VAV2: variants seen among roughly 807,000 people sequenced by gnomAD.
VAV2 encodes guanine nucleotide exchange factor VAV2.
In VAV2, 67 loss-of-function variants were observed where a neutral mutation model predicts 132.5. That is an observed-to-expected ratio of 0.51 (90% CI 0.42 to 0.62). VAV2 has a LOEUF of 0.62. Ranked by LOEUF, VAV2 falls within the 20% of genes least tolerant of loss-of-function variation. The pLI is 0.00. For missense variants in VAV2, 938 were observed against 1,153.6 expected, an observed-to-expected ratio of 0.81 and a Z score of 2.71; for synonymous variants, 492 against 443.5, an observed-to-expected ratio of 1.11 and a Z score of -1.37.
rs77264453 is a variant in VAV2 at position 133,929,092 on chromosome 9, G to A, written c.321+10011C>T. On this transcript the variant is annotated intron_variant, in intron 2 of 29. Coordinates refer to ENST00000371850, the MANE Select transcript of VAV2 (RefSeq NM_001134398.2). The stretch of plus-strand genomic sequence containing the variant: ...AAATCTTTAGACCCATTTTACAGAT[G>A]GGGAAATGACAGCTGCGAGACCTGA... Among the ~76,000 whole-genome samples the A allele has an allele frequency of 2.1e-3, 325 of 152,320 alleles. 1 individual carries two copies. The highest frequency in any genetic ancestry group is 7.5e-3 in the African/African-American group (313 of 41,570).
intron 1 of VAV2, among the ~76,000 whole-genome samples, chr9:133,959,203 G>T (rs1199491057): frequency 6.6e-6 from 1 of 152,204 alleles, no homozygotes; most frequent in African/African-American, 2.4e-5. Context: ...ACCCCAGGCT[G>T]CAGGAGAGAT....
rs766541095 is a variant in VAV2 at position 133,812,162 on chromosome 9, C to T, written c.504G>A (p.Gly168=). 6.2e-6 allele frequency: 10 copies of T among 1,613,904 alleles called. No individual in the cohort carries two copies. Among genetic ancestry groups the T allele is most frequent in the Non-Finnish European group, 6.8e-6 (8 of 1,180,008 alleles). Residue 168 remains glycine (G), a synonymous_variant, in exon 5 of 30, where the codon GGG becomes GGA. Coordinates refer to ENST00000371850, the MANE Select transcript of VAV2 (RefSeq NM_001134398.2). ...TGATGATGTCCTCGTAGATGTCGTC[C>T]CCTCCATCCTCACACGGGACGCAGT... The part of the protein sequence containing the change: ...IYDCVPCEDG[G]DDIYEDIIKV...
chr9:133,823,468 C>T lies in VAV2; in HGVS notation c.449+10804G>A, dbSNP rs1010727125. On this transcript the variant is annotated intron_variant, in intron 4 of 29. Transcript: ENST00000371850. The surrounding 1 kb of genome is among the most constrained non-coding windows in gnomAD (Gnocchi z 5.5). ...TTCTACAATAAAACCCAGCATGTGA[C>T]GCTTGTTCATTTTAGAGCAATATTT... 1.5e-4 allele frequency among the ~76,000 whole-genome samples: 23 copies of T among 152,196 alleles called. No individual in the cohort carries two copies. The highest frequency in any genetic ancestry group is 3.9e-4 in the African/African-American group (16 of 41,430).
intron 8 of VAV2, among the ~76,000 whole-genome samples, chr9:133,806,838 C>T (rs1460201716): frequency 1.3e-5 from 2 of 152,256 alleles, no homozygotes; most frequent in East Asian, 1.9e-4. Context: ...CTGGTGCCAG[C>T]GCCCTGCTCT....
At chr9:133,849,941 C>G (rs969830982) in intron 3 of VAV2, among the ~76,000 whole-genome samples, 3 of 152,218 alleles carry the variant, frequency 2.0e-5, no homozygotes, top group African/African-American at 7.2e-5. Flanking sequence ...CAGTCCCATT[C>G]ACAAGTTCGG....
intron 2 of VAV2, among the ~76,000 whole-genome samples, chr9:133,900,046 A>C (rs1372484512): frequency 6.7e-6 from 1 of 149,426 alleles, no homozygotes; most frequent in Non-Finnish European, 1.5e-5. Flanking sequence ...ATAAATAAAT[A>C]AAAATAGCTG....
intron 19 of VAV2, among the ~76,000 whole-genome samples, chr9:133,781,701 G>A (rs939442702): frequency 3.9e-5 from 6 of 152,232 alleles, no homozygotes; most frequent in Non-Finnish European, 5.9e-5. Context: ...TAGAAGCCTG[G>A]ATCAGAGGGA....
At chr9:133,971,072 G>A (rs114345354) in intron 1 of VAV2, among the ~76,000 whole-genome samples, 1 of 152,356 alleles carries the variant, frequency 6.6e-6, no homozygotes, top group African/African-American at 2.4e-5. Context: ...GGTGCCTCCT[G>A]CGGGGAGTGG....
At chr9:133,927,517 G>A (rs1840522811) in intron 2 of VAV2, among the ~76,000 whole-genome samples, 1 of 152,132 alleles carries the variant, frequency 6.6e-6, no homozygotes, top group South Asian at 2.1e-4. Flanking sequence ...CATGTGCTAG[G>A]TGGCCCGTGG....
intron 1 of VAV2, among the ~76,000 whole-genome samples, chr9:133,964,904 A>G (rs973094805): frequency 1.3e-5 from 2 of 152,196 alleles, no homozygotes. Flanking sequence ...TTCTCTAAGA[A>G]CTGGAACAAA....
Position 133,935,442 on chromosome 9 carries a change from C to T in VAV2, c.321+3661G>A, listed in dbSNP as rs1277732636. Among the ~76,000 whole-genome samples, 7 of 152,198 alleles carry T rather than the reference C, an allele frequency of 4.6e-5. No homozygotes were observed. Among genetic ancestry groups the T allele is most frequent in the Non-Finnish European group, 7.3e-5 (5 of 68,034 alleles). On this transcript the variant is annotated intron_variant, in intron 2 of 29. Coordinates refer to ENST00000371850, the MANE Select transcript of VAV2 (RefSeq NM_001134398.2). The surrounding 1 kb of genome is among the most constrained non-coding windows in gnomAD (Gnocchi z 5.2). The stretch of plus-strand genomic sequence containing the variant: ...CCGGGAGGCCAGAGACCAGCAGCCT[C>T]GGCAAGTCCCCTCCCTGCTCTGACC...
chr9:133,782,444 AG>A (rs1222921016), intron 19 of VAV2, among the ~76,000 whole-genome samples: 1 of 152,102 alleles, frequency 6.6e-6, no homozygotes, highest in Non-Finnish European at 1.5e-5. Context: ...GTGCACAGCT[AG>A]GGGGCTGCAT....
Position 133,919,417 on chromosome 9 carries a change from G to A in VAV2, c.321+19686C>T, listed in dbSNP as rs957763200. 2.0e-5 allele frequency among the ~76,000 whole-genome samples: 3 copies of A among 152,210 alleles called. No homozygotes were observed. Among genetic ancestry groups the A allele is most frequent in the Admixed American group, 6.5e-5 (1 of 15,284 alleles). On this transcript the variant is annotated intron_variant, in intron 2 of 29. Transcript: ENST00000371850. The surrounding 1 kb of genome is among the most constrained non-coding windows in gnomAD (Gnocchi z 5.8). Reference sequence around the variant, plus strand: ...CAGACCATAATCTCTGCTTCACTGGGTGGGGCCTCCTCACTGGACAGCCCT... The same window carrying A: ...CAGACCATAATCTCTGCTTCACTGGATGGGGCCTCCTCACTGGACAGCCCT...
chr9:133,979,270 G>A (rs1032754623), intron 1 of VAV2, among the ~76,000 whole-genome samples: 11 of 152,192 alleles, frequency 7.2e-5, no homozygotes, highest in Admixed American at 5.9e-4. Context: ...TACCCCCTTT[G>A]ACAGCGGAGA....
At chr9:133,942,158 A>G (rs1218775934) in intron 1 of VAV2, among the ~76,000 whole-genome samples, 1 of 152,236 alleles carries the variant, frequency 6.6e-6, no homozygotes, top group African/African-American at 2.4e-5. Flanking sequence ...TTTTACCACA[A>G]TACAAAGATT....
At chr9:133,927,369 C>T (rs2486356) in intron 2 of VAV2, among the ~76,000 whole-genome samples, 131,530 of 152,208 alleles carry the variant, frequency 0.86, 57,916 homozygotes, top group East Asian at 0.97. Flanking sequence ...CTCCTACCTC[C>T]ACTGATGTAG....
chr9:133,833,127 G>C lies in VAV2; in HGVS notation c.449+1145C>G, dbSNP rs139708898. Reference sequence around the variant, plus strand: ...GCAGCTACTCCAGCTGGTGGGTGAGGAATTTCTTTCACAGAAGTGCATGAG... The same window carrying C: ...GCAGCTACTCCAGCTGGTGGGTGAGCAATTTCTTTCACAGAAGTGCATGAG... On this transcript the variant is annotated intron_variant, in intron 4 of 29. Transcript: ENST00000371850. The surrounding 1 kb of genome is among the most constrained non-coding windows in gnomAD (Gnocchi z 5.6). Among the ~76,000 whole-genome samples, 8 of 152,342 alleles carry C rather than the reference G, an allele frequency of 5.3e-5. No homozygotes were observed. The highest frequency in any genetic ancestry group is 1.9e-4 in the African/African-American group (8 of 41,572).
At chr9:133,777,304 A>G in intron 23 of VAV2, 85 bp downstream of exon 23, 1 of 1,449,412 alleles carries the variant, frequency 6.9e-7, no homozygotes, top group South Asian at 1.2e-5. Context: ...GAACAAGCCA[A>G]AAATGTCCAC....
At position 133,819,483 on chromosome 9, in the gene VAV2, AGAG is replaced by A. The variant is rs531356482; in HGVS notation, c.450-7270_450-7268del. On this transcript the variant is annotated intron_variant, in intron 4 of 29. Transcript: ENST00000371850. ...AAAAGAGTGAGCAACCAAAAACACT[AGAG>A]GAGAAGCTGTGTTTGGGAATCTGTC... Among the ~76,000 whole-genome samples the A allele has an allele frequency of 5.9e-5, 9 of 151,966 alleles. No individual in the cohort carries two copies. In the South Asian group the frequency reaches 1.9e-3, roughly 32 times the overall value.
Sources: gnomAD v4.1 joint callset for allele counts (sites outside exome capture counted in the v4.1 genomes callset) on GRCh38, gnomAD v4.1.1 for gene constraint, Gnocchi (gnomAD v3.1) non-coding constraint, MANE v1.5 for transcripts, NCBI Gene and HGNC (gene_info 2026-07-23, HGNC 2026-07-21) for gene names.